STOX2: variants seen among roughly 807,000 people sequenced by gnomAD.
STOX2 encodes the protein storkhead box 2.
In STOX2, 28 loss-of-function variants were observed where a neutral mutation model predicts 60.9. That is an observed-to-expected ratio of 0.46 (90% CI 0.34 to 0.63). The LOEUF is 0.63. Among genes scored for constraint, STOX2 ranks in the 30% least tolerant of loss-of-function variants. The pLI, the probability that STOX2 is intolerant of heterozygous loss-of-function variation, is 0.01. For missense variants in STOX2, 1,024 were observed against 1,187.7 expected, an observed-to-expected ratio of 0.86 and a Z score of 2.03; for synonymous variants, 472 against 463.9, an observed-to-expected ratio of 1.02 and a Z score of -0.22.
chr4:183,944,223 G>A (rs946382340), intron 1 of STOX2, among the ~76,000 whole-genome samples: 1 of 152,106 alleles, frequency 6.6e-6, no homozygotes, highest in Non-Finnish European at 1.5e-5. Context: ...TTGGCCCTGC[G>A]GGGCTTAATT....
At chr4:183,853,088 G>A (rs1162720793) in intron 1 of STOX2, among the ~76,000 whole-genome samples, 2 of 152,186 alleles carry the variant, frequency 1.3e-5, no homozygotes, top group Non-Finnish European at 2.9e-5. Context: ...CTAGACCTCA[G>A]CAATGGTTCC....
In STOX2 at chr4:184,010,995, G is replaced by A. The variant is rs765059539; in HGVS notation, c.2157G>A (p.Ser719=). The change falls in exon 3 of 4, where the codon TCG becomes TCA. Residue 719 remains serine (S), a synonymous_variant. Transcript: ENST00000308497. This position sits in a 1 kb window ranked among gnomAD's most constrained non-coding sequence, Gnocchi z 4.5. Reference sequence around the variant, plus strand: ...TGTCTGTAAACAGCTATCACAAGTCGAGCCTGTCCCTCCTCAAATCTCACC... The same window carrying A: ...TGTCTGTAAACAGCTATCACAAGTCAAGCCTGTCCCTCCTCAAATCTCACC... ...STLSVNSYHK[S]SLSLLKSHPK... is the part of the protein sequence containing the mutation. 1 of 1,613,176 alleles carries A rather than the reference G, an allele frequency of 6.2e-7. No individual in the cohort carries two copies. Among genetic ancestry groups the A allele is most frequent in the African/African-American group, 1.3e-5 (1 of 74,924 alleles).
chr4:183,950,923 G>C (rs767534965), intron 1 of STOX2, among the ~76,000 whole-genome samples: 2 of 152,090 alleles, frequency 1.3e-5, no homozygotes, highest in Non-Finnish European at 2.9e-5. Context: ...GTTTAAGAAG[G>C]ACAGTAGTGC....
intron 1 of STOX2, among the ~76,000 whole-genome samples, chr4:183,848,993 C>A (rs540113044): frequency 6.6e-6 from 1 of 152,262 alleles, no homozygotes; most frequent in Admixed American, 6.5e-5. Context: ...CAGTTTCCAG[C>A]AGGTGTGGCA....
At chr4:183,956,471 T>TATCTATC (rs1433728833) in intron 1 of STOX2, among the ~76,000 whole-genome samples, 2 of 151,852 alleles carry the variant, frequency 1.3e-5, no homozygotes, top group African/African-American at 4.8e-5. Flanking sequence ...TCTATCTATC[T>TATCTATC]ATCTATCTAT....
At chr4:183,809,606 C>T (rs1738991248) in intron 1 of STOX2, among the ~76,000 whole-genome samples, 1 of 152,110 alleles carries the variant, frequency 6.6e-6, no homozygotes, top group African/African-American at 2.4e-5. Flanking sequence ...ACCATGTTGG[C>T]CAGGATGGTC....
intron 1 of STOX2, among the ~76,000 whole-genome samples, chr4:183,896,308 G>A (rs544619628): frequency 9.2e-5 from 14 of 152,286 alleles, no homozygotes; most frequent in Non-Finnish European, 1.6e-4. Context: ...ATCATCAGGC[G>A]CAGGCCATTC....
At chr4:183,995,291 C>CTTTTTTTTTTTTTTT (rs61681165) in intron 1 of STOX2, among the ~76,000 whole-genome samples, 7 of 79,452 alleles carry the variant, frequency 8.8e-5, no homozygotes, top group African/African-American at 1.2e-4. Flanking sequence ...TTATTTTAGT[C>CTTTTTTTTTTTTTTT]TTTTTTTTTT....
At chr4:183,830,676 C>T (rs1200457757) in intron 1 of STOX2, among the ~76,000 whole-genome samples, 1 of 152,108 alleles carries the variant, frequency 6.6e-6, no homozygotes, top group East Asian at 1.9e-4. Flanking sequence ...TTGAAATTAG[C>T]TGGGATGAAA....
At chr4:183,888,570 C>T (rs1579376996) in intron 1 of STOX2, among the ~76,000 whole-genome samples, 1 of 152,102 alleles carries the variant, frequency 6.6e-6, no homozygotes, top group African/African-American at 2.4e-5. Flanking sequence ...AGTGAGGGCT[C>T]GAGGCTGGTA....
chr4:183,961,689 C>A (rs1022838471), intron 1 of STOX2, among the ~76,000 whole-genome samples: 7 of 152,232 alleles, frequency 4.6e-5, no homozygotes, highest in Non-Finnish European at 1.0e-4. Context: ...ATAGTGTACA[C>A]TGTACCCAGT....
intron 3 of STOX2, among the ~76,000 whole-genome samples, chr4:184,012,287 A>T (rs1033179978): frequency 6.6e-6 from 1 of 152,144 alleles, no homozygotes; most frequent in African/African-American, 2.4e-5. Flanking sequence ...ATGGGACCTA[A>T]TTCTCTTTCT....
intron 2 of STOX2, among the ~76,000 whole-genome samples, chr4:184,007,391 G>A (rs953021733): frequency 1.3e-5 from 2 of 152,158 alleles, no homozygotes; most frequent in African/African-American, 2.4e-5. Flanking sequence ...GTTGTTTGAA[G>A]GCAATCTGGT....
chr4:183,813,296 T>C (rs1479362213), intron 1 of STOX2, among the ~76,000 whole-genome samples: 2 of 152,156 alleles, frequency 1.3e-5, no homozygotes, highest in African/African-American at 4.8e-5. Flanking sequence ...GGCAGGAGAA[T>C]TGCTTGAACC....
chr4:183,851,666 G>A (rs1474584685), intron 1 of STOX2, among the ~76,000 whole-genome samples: 3 of 135,080 alleles, frequency 2.2e-5, no homozygotes, highest in Non-Finnish European at 4.8e-5. Flanking sequence ...TGAGGGAAAG[G>A]ATGAGAGAAA....
At position 183,891,310 on chromosome 4, in the gene STOX2, CTATGATGGAA is replaced by C. The variant is rs1741203910; in HGVS notation, c.364+93259_364+93268del. On this transcript the variant is annotated intron_variant, in intron 1 of 2. Coordinates refer to the STOX2 transcript ENST00000513034. ...TATATGATGGAATATATATATATATCTATGATGGAATATATATATCTATGATGGAATATAT... is the reference window on the plus strand; with the variant it reads ...TATATGATGGAATATATATATATATCTATATATATCTATGATGGAATATAT... 6.2e-4 allele frequency among the ~76,000 whole-genome samples: 4 copies of C among 6,404 alleles called. No homozygotes were observed. In the Admixed American group the frequency reaches 7.5e-3, roughly 12 times the overall value. 4.2% of individuals were successfully genotyped at this position (6,404 alleles called of 152,430 possible). A position where few individuals can be genotyped will look rare whatever the true frequency, so the allele number is the denominator to read the frequency against.
At chr4:183,933,987 A>G (rs1435390362) in intron 1 of STOX2, among the ~76,000 whole-genome samples, 2 of 152,206 alleles carry the variant, frequency 1.3e-5, no homozygotes, top group Non-Finnish European at 2.9e-5. Flanking sequence ...TAAGAAATTC[A>G]GACTTGATTC....
Position 183,818,817 on chromosome 4 carries a change from C to T in STOX2, c.364+20762C>T, listed in dbSNP as rs1050629827. On this transcript the variant is annotated intron_variant, in intron 1 of 2. Transcript: ENST00000513034. ...GTGGCTGCCGGGCGGAGGGGCTCCT[C>T]ACCTCCCAGACGGGGTCGCGACCGG... Among the ~76,000 whole-genome samples, 8 of 151,886 alleles carry T rather than the reference C, an allele frequency of 5.3e-5. No homozygotes were observed. In the South Asian group the frequency reaches 6.2e-4, roughly 12 times the overall value.
Position 183,825,713 on chromosome 4 carries a change from G to C in STOX2, c.364+27658G>C, listed in dbSNP as rs776751054. Among the ~76,000 whole-genome samples the C allele has an allele frequency of 1.5e-4, 23 of 150,862 alleles. No individual in the cohort carries two copies. Among genetic ancestry groups the C allele is most frequent in the African/African-American group, 5.7e-4 (23 of 40,164 alleles). On this transcript the variant is annotated intron_variant, in intron 1 of 2. Transcript: ENST00000513034. The surrounding 1 kb of genome is among the most constrained non-coding windows in gnomAD (Gnocchi z 4.1). ...GGACAGGGGCAACCTAGACCTAGTGGAGCAGGAGTCAGGGTCAGCGAGGTG... is the reference window on the plus strand; with the variant it reads ...GGACAGGGGCAACCTAGACCTAGTGCAGCAGGAGTCAGGGTCAGCGAGGTG...
Sources: allele counts gnomAD v4.1 joint callset (sites outside exome capture counted in the v4.1 genomes callset), GRCh38; gene constraint gnomAD v4.1.1; non-coding constraint Gnocchi (gnomAD v3.1); transcripts MANE v1.5; gene names NCBI Gene and HGNC (gene_info 2026-07-23, HGNC 2026-07-21).